KIF2C: variants seen among roughly 807,000 people sequenced by gnomAD.
KIF2C encodes kinesin family member 2C.
In KIF2C, 34 loss-of-function variants were observed where a neutral mutation model predicts 97.4. That is an observed-to-expected ratio of 0.35 (90% CI 0.27 to 0.46). The LOEUF is 0.46. Ranked by LOEUF, KIF2C falls within the 20% of genes least tolerant of loss-of-function variation. The pLI is 1.00. For missense variants in KIF2C, 750 were observed against 907.6 expected (o/e 0.83, Z 2.23); for synonymous variants, 313 against 318.2 (o/e 0.98, Z 0.17).
chr1:44,746,706 A>G (rs1649213639), intron 2 of KIF2C: 2 of 1,607,282 alleles, frequency 1.2e-6, no homozygotes, highest in Admixed American at 1.7e-5. Flanking sequence ...CCTCATTCTC[A>G]TCACTGACGT....
At chr1:44,762,061 C>G in intron 17 of KIF2C, 78 bp downstream of exon 17, 1 of 1,338,512 alleles carries the variant, frequency 7.5e-7, no homozygotes, top group Non-Finnish European at 1.1e-6. Context: ...GGAGGAGGCT[C>G]TGGGGCCTCA....
At chr1:44,749,155 G>T (rs957389676) in intron 4 of KIF2C, among the ~76,000 whole-genome samples, 1 of 152,016 alleles carries the variant, frequency 6.6e-6, no homozygotes, top group Non-Finnish European at 1.5e-5. Context: ...AAAACTGGCC[G>T]GGTGTGGTGG....
chr1:44,753,789 GAGA>G lies in KIF2C; in HGVS notation c.625_627del (p.Lys209del). ...GGAAAAAATGAAGAACAAGCGAGAA[GAGA>G]AGAAGGCCCAGAACTCTGAAATGAG... On this transcript the variant is annotated inframe_deletion, in exon 7 of 21. Transcript: ENST00000372224. 1.9e-6 allele frequency: 3 copies of G among 1,612,636 alleles called. No homozygotes were observed. The highest frequency in any genetic ancestry group is 1.1e-5 in the South Asian group (1 of 90,912).
In KIF2C at chr1:44,757,609, G is replaced by A. The variant is rs1234843885; in HGVS notation, c.1031G>A (p.Cys344Tyr). 1 of 1,613,922 alleles carries A rather than the reference G, an allele frequency of 6.2e-7. No individual in the cohort carries two copies. The highest frequency in any genetic ancestry group is 8.5e-7 in the Non-Finnish European group (1 of 1,179,784). ...QTIFEGGKAT[C>Y]FAYGQTGSGK... ...ATCTTTGAAGGTGGAAAAGCAACTT[G>A]TTTTGCATATGGCCAGACAGGAAGT... The change falls in exon 11 of 21, where the codon TGT (cysteine) becomes TAT (tyrosine). Residue 344 changes from cysteine (C) to tyrosine (Y), a missense_variant. By Grantham distance (194) the Cys-to-Tyr change is radical. Coordinates refer to ENST00000372224, the MANE Select transcript of KIF2C (RefSeq NM_006845.4).
chr1:44,740,951 G>A lies in KIF2C; in HGVS notation c.109G>A (p.Glu37Lys). 2 of 1,613,822 alleles carry A rather than the reference G, an allele frequency of 1.2e-6. No homozygotes were observed. Among genetic ancestry groups the A allele is most frequent in the Middle Eastern group, 1.7e-4 (1 of 6,060 alleles). The change falls in exon 2 of 21, where the codon GAG (glutamate) becomes AAG (lysine). Residue 37 changes from glutamate (E) to lysine (K), a missense_variant. Coordinates refer to ENST00000372224, the MANE Select transcript of KIF2C (RefSeq NM_006845.4). ...TGCCAATGTAAGGACTGTGAACTTG[G>A]AGAAATCCTGTGTTTCAGTGGAATG... is the stretch of plus-strand genomic sequence containing the variant. ...HSANVRTVNL[E>K]KSCVSVEWAE...
rs1024401394 is a variant in KIF2C at position 44,747,852 on chromosome 1, A to G, written c.316+152A>G. 28 of 693,550 alleles carry G rather than the reference A, an allele frequency of 4.0e-5. No individual in the cohort carries two copies. In the African/African-American group the frequency reaches 4.9e-4, roughly 12 times the overall value. 43.0% of individuals were successfully genotyped at this position (693,550 alleles called of 1,614,324 possible). A position where few individuals can be genotyped will look rare whatever the true frequency, so the allele number is the denominator to read the frequency against. ...CAAGCATCTTTCTCTATGAGAAAGA[A>G]TCCAATCTACAGCTATCAGGCCAAC... is the stretch of plus-strand genomic sequence containing the variant. On this transcript the variant is annotated intron_variant, in intron 4 of 20. Transcript: ENST00000372224.
chr1:44,757,935 G>A lies in KIF2C; in HGVS notation c.1096G>A (p.Ala366Thr), dbSNP rs762926108. 3.7e-6 allele frequency: 6 copies of A among 1,614,082 alleles called. No individual in the cohort carries two copies. ...HTMGGDLSGK[A>T]QNASKGIYAM... ...TATGGGCGGAGACCTCTCTGGGAAAGCCCAGAATGCATCCAAAGGGATCTA... is the reference window on the plus strand; with the variant it reads ...TATGGGCGGAGACCTCTCTGGGAAAACCCAGAATGCATCCAAAGGGATCTA... Residue 366 changes from alanine (A) to threonine (T), a missense_variant, in exon 12 of 21, where the codon GCC becomes ACC. By Grantham distance (58) the Ala-to-Thr change is moderately conservative. Transcript: ENST00000372224.
rs147480287 is a variant in KIF2C, at chr1:44,747,426, C to G, written c.208C>G (p.Gln70Glu). The G allele has an allele frequency of 4.1e-5, 66 of 1,610,936 alleles. No individual in the cohort carries two copies. The highest frequency in any genetic ancestry group is 5.5e-5 in the Non-Finnish European group (65 of 1,179,318). Residue 70 changes from glutamine to glutamate, a missense_variant, in exon 3 of 21, where the codon CAG becomes GAG. Gln to Glu is a conservative substitution (Grantham distance 29, BLOSUM62 2). Coordinates refer to ENST00000372224, the MANE Select transcript of KIF2C (RefSeq NM_006845.4). The stretch of plus-strand genomic sequence containing the variant: ...GGCTGCAATAAACCCAGAACTCTTA[C>G]AGCTTCTTCCCTTACATCCGAAGGA... ...DVAAINPELL[Q>E]LLPLHPKDNL... is the part of the protein sequence containing the mutation.
intron 2 of KIF2C, among the ~76,000 whole-genome samples, chr1:44,743,757 G>C (rs1216552420): frequency 6.6e-6 from 1 of 152,104 alleles, no homozygotes; most frequent in Non-Finnish European, 1.5e-5. Flanking sequence ...CTCCAGCCTG[G>C]GTGACAGAGT....
At chr1:44,762,219 T>G (rs1650192251) in intron 17 of KIF2C, 127 bp from the exon 18 acceptor site, 1 of 972,418 alleles carries the variant, frequency 1.0e-6, no homozygotes, top group African/African-American at 1.6e-5. Context: ...TTCTCTCTCC[T>G]TGGCTGAAGG....
At chr1:44,747,884 G>A (rs1027379206) in intron 4 of KIF2C, among the ~76,000 whole-genome samples, 184 bp downstream of exon 4, 1 of 152,258 alleles carries the variant, frequency 6.6e-6, no homozygotes, top group African/African-American at 2.4e-5. Context: ...CAACCTTTAA[G>A]AGACCTGGTG....
chr1:44,753,934 G>T (rs1649671768), intron 7 of KIF2C, 101 bp downstream of exon 7: 1 of 449,634 alleles, frequency 2.2e-6, no homozygotes, highest in East Asian at 4.3e-5. Flanking sequence ...CATTTCTGAG[G>T]CTCCAGTTCT....
intron 2 of KIF2C, 26 bp from the exon 3 acceptor site, chr1:44,747,358 T>C (rs751215042): frequency 4.4e-5 from 68 of 1,539,926 alleles, no homozygotes; most frequent in Non-Finnish European, 5.7e-5. Context: ...TGTTGTTTCA[T>C]TGAAACTTTT....
At chr1:44,741,153 C>A in intron 2 of KIF2C, 146 bp downstream of exon 2, 1 of 588,168 alleles carries the variant, frequency 1.7e-6, no homozygotes, top group South Asian at 2.1e-5. Context: ...GAGGCTGAGA[C>A]GGGCAGATCA....
chr1:44,758,419 C>A (rs982022078), intron 13 of KIF2C, among the ~76,000 whole-genome samples: 3 of 152,164 alleles, frequency 2.0e-5, no homozygotes, highest in Non-Finnish European at 4.4e-5. Context: ...TCCTTCATCC[C>A]TTCTTCCCCG....
intron 4 of KIF2C, among the ~76,000 whole-genome samples, chr1:44,749,154 C>T (rs1032233785): frequency 1.3e-4 from 20 of 152,136 alleles, no homozygotes; most frequent in Middle Eastern, 3.4e-3. Context: ...AAAAACTGGC[C>T]GGGTGTGGTG....
chr1:44,757,616 A>G lies in KIF2C; in HGVS notation c.1038A>G (p.Ala346=), dbSNP rs1454400183. The G allele has an allele frequency of 2.5e-6, 4 of 1,613,656 alleles. No homozygotes were observed. The African/African-American group carries it at 5.3e-5, about 22-fold the overall frequency. ...IFEGGKATCF[A]YGQTGSGKTH... is the part of the protein sequence containing the mutation. ...AAGGTGGAAAAGCAACTTGTTTTGC[A>G]TATGGCCAGACAGGAAGTGGCAAGA... The change falls in exon 11 of 21, where the codon GCA becomes GCG. Residue 346 remains alanine (A), a synonymous_variant. Transcript: ENST00000372224.
chr1:44,740,982 A>G lies in KIF2C; in HGVS notation c.140A>G (p.Glu47Gly), dbSNP rs142016314. ...TCCTGTGTTTCAGTGGAATGGGCAGAAGGAGGTGCCACAAAGGGCAAAGAG... is the reference window on the plus strand; with the variant it reads ...TCCTGTGTTTCAGTGGAATGGGCAGGAGGAGGTGCCACAAAGGGCAAAGAG... The part of the protein sequence containing the change: ...EKSCVSVEWA[E>G]GGATKGKEID... Residue 47 changes from glutamate to glycine, a missense_variant, in exon 2 of 21, where the codon GAA becomes GGA. By Grantham distance (98) the Glu-to-Gly change is moderately conservative. Coordinates refer to ENST00000372224, the MANE Select transcript of KIF2C (RefSeq NM_006845.4). 1.2e-6 allele frequency: 2 copies of G among 1,613,828 alleles called. No homozygotes were observed. Among genetic ancestry groups the G allele is most frequent in the Non-Finnish European group, 1.7e-6 (2 of 1,179,768 alleles).
chr1:44,757,244 A>ATGC (rs1649894839), intron 10 of KIF2C, among the ~76,000 whole-genome samples: 1 of 152,034 alleles, frequency 6.6e-6, no homozygotes. Flanking sequence ...TGGAAGCTGG[A>ATGC]TGCTGAGCTT....
Sources: gnomAD v4.1 joint callset for allele counts (sites outside exome capture counted in the v4.1 genomes callset) on GRCh38, gnomAD v4.1.1 for gene constraint, MANE v1.5 for transcripts, NCBI Gene and HGNC (gene_info 2026-07-23, HGNC 2026-07-21) for gene names.